NCKAP5: variants seen among roughly 807,000 people sequenced by gnomAD.
NCKAP5 encodes nck-associated protein 5.
Under a neutral mutation model 167.0 loss-of-function variants are expected in NCKAP5, and 92 were observed. The observed-to-expected ratio is 0.55, with a 90% confidence interval of 0.47 to 0.66. NCKAP5 has a LOEUF of 0.66. Ranked by LOEUF, NCKAP5 falls within the 30% of genes least tolerant of loss-of-function variation. The pLI is 0.00. For missense variants in NCKAP5, 2,378 were observed against 2,315.0 expected, an observed-to-expected ratio of 1.03 and a Z score of -0.56; for synonymous variants, 891 against 877.4, an observed-to-expected ratio of 1.02 and a Z score of -0.27.
chr2:133,465,673 G>T (rs1215319654), intron 3 of NCKAP5, among the ~76,000 whole-genome samples: 1 of 152,012 alleles, frequency 6.6e-6, no homozygotes, highest in South Asian at 2.1e-4. Context: ...AGCACCTGTT[G>T]TTTCCTGACT....
intron 3 of NCKAP5, among the ~76,000 whole-genome samples, chr2:133,472,021 G>A (rs1053539128): frequency 2.0e-5 from 3 of 152,044 alleles, no homozygotes; most frequent in Non-Finnish European, 1.5e-5. Flanking sequence ...AATTGTTATA[G>A]ACTAACATAA....
At position 133,156,316 on chromosome 2, in the gene NCKAP5, C is replaced by T. The variant is rs140711605; in HGVS notation, c.208-26205G>A. ...ACGCATAAGCTCAGCGTCAGTTTTT[C>T]ACCTCTTGTAATTGCTGGTCCAGCT... On this transcript the variant is annotated intron_variant, in intron 5 of 19. Transcript: ENST00000409261. Among the ~76,000 whole-genome samples, 257 of 152,304 alleles carry T rather than the reference C, an allele frequency of 1.7e-3. 3 individuals carry two copies. Among genetic ancestry groups the T allele is most frequent in the Admixed American group, 4.3e-3 (66 of 15,300 alleles).
At chr2:133,031,038 A>C (rs2078862237) in intron 6 of NCKAP5, among the ~76,000 whole-genome samples, 1 of 152,218 alleles carries the variant, frequency 6.6e-6, no homozygotes, top group East Asian at 1.9e-4. Flanking sequence ...TAATCAGAGT[A>C]AGATGGTGGA....
chr2:133,400,482 A>G lies in NCKAP5; in HGVS notation c.70-97372T>C, dbSNP rs138488284. Among the ~76,000 whole-genome samples, 340 of 152,288 alleles carry G rather than the reference A, an allele frequency of 2.2e-3. 1 individual carries two copies. Among genetic ancestry groups the G allele is most frequent in the African/African-American group, 7.8e-3 (323 of 41,566 alleles). Reference sequence around the variant, plus strand: ...CAGCAAGAGAACAGATCTGGAGAGAAGAGGAGAAGTGAGAAGGAGAAGATG... The same window carrying G: ...CAGCAAGAGAACAGATCTGGAGAGAGGAGGAGAAGTGAGAAGGAGAAGATG... On this transcript the variant is annotated intron_variant, in intron 3 of 19. Transcript: ENST00000409261.
intron 3 of NCKAP5, among the ~76,000 whole-genome samples, chr2:133,503,277 G>T (rs551524030): frequency 9.8e-5 from 15 of 152,336 alleles, no homozygotes; most frequent in African/African-American, 3.4e-4. Flanking sequence ...CTGTGAACGA[G>T]TCAAAGCTCC....
chr2:132,890,779 C>T lies in NCKAP5; in HGVS notation c.580-11863G>A, dbSNP rs147374628. ...TAGCGTAGTTGGCTAAAGGGTGTTC[C>T]CCACTGATTGTATTTGAGAGCTTGT... On this transcript the variant is annotated intron_variant, in intron 8 of 19. Transcript: ENST00000409261. Among the ~76,000 whole-genome samples the T allele has an allele frequency of 5.6e-3, 852 of 152,272 alleles. 2 individuals are homozygous for T. Among genetic ancestry groups the T allele is most frequent in the African/African-American group, 0.019 (793 of 41,562 alleles).
the NCKAP5 span, among the ~76,000 whole-genome samples, chr2:133,628,944 T>C: frequency 2.0e-5 from 3 of 152,122 alleles, no homozygotes; most frequent in African/African-American, 7.2e-5. Flanking sequence ...ATTCGGAAGA[T>C]TGAAACTGGA....
chr2:133,303,203 C>G (rs375560670), intron 3 of NCKAP5, 93 bp from the exon 4 acceptor site: 1 of 796,948 alleles, frequency 1.3e-6, no homozygotes, highest in Non-Finnish European at 2.1e-6. Context: ...GTATTTTTGA[C>G]AACATTATCC....
At chr2:133,022,409 C>T (rs1209669232) in intron 6 of NCKAP5, among the ~76,000 whole-genome samples, 7 of 152,104 alleles carry the variant, frequency 4.6e-5, no homozygotes, top group Non-Finnish European at 1.0e-4. Flanking sequence ...CTTTGAAATG[C>T]TGATTACTTC....
At chr2:132,907,090 A>G (rs866836343) in intron 8 of NCKAP5, among the ~76,000 whole-genome samples, 155 of 152,210 alleles carry the variant, frequency 1.0e-3, no homozygotes, top group African/African-American at 3.5e-3. Flanking sequence ...AACATAGGGA[A>G]TTTAGCCTTT....
intron 19 of NCKAP5, among the ~76,000 whole-genome samples, chr2:132,686,069 T>C (rs141789584): frequency 1.2e-4 from 18 of 152,252 alleles, no homozygotes; most frequent in Non-Finnish European, 2.2e-4. Flanking sequence ...TAGTACCCAA[T>C]GGCTGGGTAG....
chr2:133,391,895 G>A (rs1687434661), intron 3 of NCKAP5, among the ~76,000 whole-genome samples: 1 of 152,124 alleles, frequency 6.6e-6, no homozygotes, highest in South Asian at 2.1e-4. Context: ...CAATTCTCCA[G>A]CCCCCGCTAG....
chr2:132,777,803 G>C (rs1024144665), intron 15 of NCKAP5, among the ~76,000 whole-genome samples: 7 of 151,842 alleles, frequency 4.6e-5, no homozygotes, highest in African/African-American at 1.7e-4. Context: ...TATCACCGTG[G>C]TACCATTTTA....
chr2:133,423,132 C>T (rs2151098256), intron 3 of NCKAP5, among the ~76,000 whole-genome samples: 1 of 152,312 alleles, frequency 6.6e-6, no homozygotes, highest in African/African-American at 2.4e-5. Flanking sequence ...ATGCACACTT[C>T]CCCAAGTGTT....
chr2:133,400,735 T>C (rs1393029790), intron 3 of NCKAP5, among the ~76,000 whole-genome samples: 1 of 152,216 alleles, frequency 6.6e-6, no homozygotes, highest in Admixed American at 6.5e-5. Context: ...GGGAAACTAA[T>C]ACAATGATTA....
At chr2:132,698,860 A>C (rs60214246) in intron 19 of NCKAP5, among the ~76,000 whole-genome samples, 4,576 of 148,886 alleles carry the variant, frequency 0.031, 221 homozygotes, top group African/African-American at 0.1. Flanking sequence ...AACAAACAAA[A>C]AAAAAAGTGC....
chr2:132,960,990 T>C (rs2076494860), intron 8 of NCKAP5, among the ~76,000 whole-genome samples: 1 of 152,206 alleles, frequency 6.6e-6, no homozygotes, highest in African/African-American at 2.4e-5. Context: ...CTTCCAAAAA[T>C]ATGCTAATAG....
chr2:133,623,109 T>C, the NCKAP5 span, among the ~76,000 whole-genome samples: 48 of 152,302 alleles, frequency 3.2e-4, no homozygotes, highest in African/African-American at 1.1e-3. Flanking sequence ...TGTAGAAGAA[T>C]GAAACTGGAT....
At chr2:132,767,323 C>T (rs539362294) in intron 16 of NCKAP5, among the ~76,000 whole-genome samples, 7 of 152,094 alleles carry the variant, frequency 4.6e-5, no homozygotes, top group African/African-American at 1.4e-4. Context: ...CTCGGCTCAC[C>T]GCAACCTCCG....
Sources: gnomAD v4.1 joint callset for allele counts (sites outside exome capture counted in the v4.1 genomes callset) on GRCh38, gnomAD v4.1.1 for gene constraint, MANE v1.5 for transcripts, NCBI Gene and HGNC (gene_info 2026-07-23, HGNC 2026-07-21) for gene names.